TBC1D5: variants seen among roughly 807,000 people sequenced by gnomAD.
TBC1D5 encodes TBC1 domain family member 5, also known as TBC1 domain family, member 5.
Under a neutral mutation model 100.3 loss-of-function variants are expected in TBC1D5, and 75 were observed. The ratio of observed to expected loss-of-function variants is 0.75; its 90% CI spans 0.62 to 0.91. The LOEUF is 0.91. Among genes scored for constraint, TBC1D5 ranks in the 40% least tolerant of loss-of-function variants. The pLI is 0.00. For synonymous variants in TBC1D5, 323 were observed against 325.6 expected (o/e 0.99, Z 0.09); for missense variants, 910 against 942.4 (o/e 0.97, Z 0.45).
At chr3:17,269,987 A>G (rs972945135) in intron 15 of TBC1D5, among the ~76,000 whole-genome samples, 1 of 152,106 alleles carries the variant, frequency 6.6e-6, no homozygotes, top group Non-Finnish European at 1.5e-5. Flanking sequence ...TTAGAATGAT[A>G]TATTTTCCTT....
intron 8 of TBC1D5, 137 bp from the exon 9 acceptor site, chr3:17,384,152 T>C (rs1054378154): frequency 3.2e-6 from 2 of 618,486 alleles, no homozygotes; most frequent in Non-Finnish European, 5.5e-6. Context: ...CTTATGCCTT[T>C]AGTGGGGACT....
chr3:17,481,534 C>T (rs1009814691), intron 3 of TBC1D5, among the ~76,000 whole-genome samples: 2 of 152,188 alleles, frequency 1.3e-5, no homozygotes, highest in Non-Finnish European at 2.9e-5. Flanking sequence ...CAGCCTGGGC[C>T]ACAGAGCGAG....
intron 1 of TBC1D5, among the ~76,000 whole-genome samples, chr3:17,723,604 C>A (rs1272607196): frequency 6.6e-6 from 1 of 152,164 alleles, no homozygotes. Flanking sequence ...GGTTTGAACT[C>A]TGCCAGTACA....
intron 3 of TBC1D5, among the ~76,000 whole-genome samples, chr3:17,451,469 G>T (rs2094925750): frequency 6.6e-6 from 1 of 152,168 alleles, no homozygotes; most frequent in Non-Finnish European, 1.5e-5. Context: ...ATGTCAGTTA[G>T]AATGGTGATC....
chr3:17,241,873 C>A (rs1035953402), intron 16 of TBC1D5, among the ~76,000 whole-genome samples: 18 of 152,224 alleles, frequency 1.2e-4, no homozygotes, highest in South Asian at 2.1e-4. Flanking sequence ...TTAAAAAAAA[C>A]CCAAAAAAAC....
intron 3 of TBC1D5, among the ~76,000 whole-genome samples, chr3:17,462,105 A>C (rs1296763451): frequency 6.6e-6 from 1 of 152,044 alleles, no homozygotes; most frequent in Non-Finnish European, 1.5e-5. Context: ...CCTAGATTTA[A>C]ATCTTTTCAA....
At chr3:17,719,401 G>A (rs2075512319) in intron 1 of TBC1D5, among the ~76,000 whole-genome samples, 1 of 152,048 alleles carries the variant, frequency 6.6e-6, no homozygotes, top group African/African-American at 2.4e-5. Flanking sequence ...AACTAGAAAA[G>A]CCCATTTTGT....
intron 2 of TBC1D5, among the ~76,000 whole-genome samples, chr3:17,600,975 G>A (rs2060899310): frequency 1.3e-5 from 2 of 152,072 alleles, no homozygotes; most frequent in Admixed American, 1.3e-4. Flanking sequence ...CTTCTACAAG[G>A]ATGAATTTCA....
chr3:17,568,829 G>A (rs62248275), intron 2 of TBC1D5, among the ~76,000 whole-genome samples: 3,396 of 151,502 alleles, frequency 0.022, 51 homozygotes, highest in Middle Eastern at 0.061. Flanking sequence ...TTTTACTCAT[G>A]TTTAAATGTT....
chr3:17,434,638 G>A (rs1036021084), intron 3 of TBC1D5, among the ~76,000 whole-genome samples: 3 of 152,142 alleles, frequency 2.0e-5, no homozygotes, highest in Non-Finnish European at 4.4e-5. Context: ...GGGGGGCCCT[G>A]GGCCCAGCCC....
intron 13 of TBC1D5, among the ~76,000 whole-genome samples, chr3:17,342,712 T>A (rs1293511904): frequency 6.6e-6 from 1 of 152,150 alleles, no homozygotes; most frequent in Non-Finnish European, 1.5e-5. Flanking sequence ...AGAAATTATT[T>A]TGGATTATGC....
chr3:17,161,223 C>T (rs778226455), exon 22 of TBC1D5: 45 of 1,613,940 alleles, frequency 2.8e-5, no homozygotes, highest in Non-Finnish European at 3.7e-5. Context: ...TCGGAATTCC[C>T]TCTATCAGTG....
chr3:17,566,273 C>T (rs2096593125), intron 2 of TBC1D5, among the ~76,000 whole-genome samples: 2 of 151,924 alleles, frequency 1.3e-5, no homozygotes, highest in Admixed American at 1.3e-4. Flanking sequence ...CACCCCACCA[C>T]AAAGAATTAT....
At chr3:17,336,174 G>C (rs965345277) in intron 13 of TBC1D5, among the ~76,000 whole-genome samples, 1 of 152,026 alleles carries the variant, frequency 6.6e-6, no homozygotes, top group African/African-American at 2.4e-5. Flanking sequence ...AAGATAGCTA[G>C]TAAGATATGG....
rs549264838 is a variant in TBC1D5, at chr3:17,365,430, TAAGATTA to T, written c.995+6638_995+6644del. ...CAATTAACCCTTTGTAGGTCAAGTT[TAAGATTA>T]AAGTAGCAGATCCCCATCCCCAAGC... On this transcript the variant is annotated intron_variant, in intron 13 of 21. Transcript: ENST00000253692. 4.0e-3 allele frequency among the ~76,000 whole-genome samples: 612 copies of T among 152,330 alleles called. 3 individuals carry two copies. The highest frequency in any genetic ancestry group is 0.024 in the Middle Eastern group (7 of 294).
At chr3:17,526,294 T>C (rs1410676494) in intron 2 of TBC1D5, among the ~76,000 whole-genome samples, 1 of 152,196 alleles carries the variant, frequency 6.6e-6, no homozygotes, top group African/African-American at 2.4e-5. Flanking sequence ...CATAGCTCAC[T>C]GCACTCTCCA....
chr3:17,170,985 C>T (rs2067122439), intron 19 of TBC1D5, among the ~76,000 whole-genome samples: 1 of 152,176 alleles, frequency 6.6e-6, no homozygotes, highest in Non-Finnish European at 1.5e-5. Flanking sequence ...AGTTTAGGGA[C>T]ATAGACTTAT....
intron 2 of TBC1D5, among the ~76,000 whole-genome samples, chr3:17,621,679 G>A (rs967707939): frequency 6.6e-6 from 1 of 151,582 alleles, no homozygotes; most frequent in East Asian, 1.9e-4. Flanking sequence ...CCTGTCTCTA[G>A]CACTCCATGA....
At chr3:17,512,263 T>A (rs1010302293) in intron 2 of TBC1D5, among the ~76,000 whole-genome samples, 1 of 152,070 alleles carries the variant, frequency 6.6e-6, no homozygotes, top group African/African-American at 2.4e-5. Flanking sequence ...TATTTATGAA[T>A]AAATTTTTAC....
Sources: allele counts gnomAD v4.1 joint callset (sites outside exome capture counted in the v4.1 genomes callset), GRCh38; gene constraint gnomAD v4.1.1; transcripts MANE v1.5; gene names NCBI Gene and HGNC (gene_info 2026-07-23, HGNC 2026-07-21).